CLIC5: variants seen among roughly 807,000 people sequenced by gnomAD.
The protein encoded by CLIC5 is chloride intracellular channel protein 5.
CLIC5 carries 20 observed loss-of-function variants against 24.7 expected under a neutral mutation model. The observed-to-expected ratio is 0.81, with a 90% CI of 0.57 to 1.18. The LOEUF is 1.18. Among genes scored for constraint, CLIC5 ranks in the 50% most tolerant of loss-of-function variants. The probability of loss-of-function intolerance (pLI) is 0.00; values close to 1 mark genes in which losing one functional copy is unlikely to be tolerated. For missense variants in CLIC5, 341 were observed against 326.1 expected (o/e 1.05, Z -0.35); for synonymous variants, 159 against 135.6 (o/e 1.17, Z -1.20).
intron 1 of CLIC5, among the ~76,000 whole-genome samples, chr6:46,043,978 A>G (rs1767887111): frequency 6.6e-6 from 1 of 152,222 alleles, no homozygotes; most frequent in African/African-American, 2.4e-5. Context: ...GTTGTGGGGT[A>G]GGCGAAGTTG....
chr6:45,892,054 A>T (rs983933874), intron 6 of CLIC5: 1 of 152,174 alleles, frequency 6.6e-6, no homozygotes, highest in South Asian at 2.1e-4. Context: ...ATCAACTCAC[A>T]ACATTTTTCA....
At chr6:45,897,153 C>CCT (rs1271922861), downstream of CLIC5, among the ~76,000 whole-genome samples, 1 of 152,108 alleles carries the variant, frequency 6.6e-6, no homozygotes, top group Non-Finnish European at 1.5e-5. Flanking sequence ...AGGCTGCTAC[C>CCT]CTCTCAGGGT....
intron 1 of CLIC5, among the ~76,000 whole-genome samples, chr6:46,047,468 A>T (rs1473287441): frequency 6.6e-6 from 1 of 152,236 alleles, no homozygotes; most frequent in Non-Finnish European, 1.5e-5. Flanking sequence ...GCTAGAAGCT[A>T]GTCTGTGGGA....
At position 45,902,988 on chromosome 6, in the gene CLIC5, A is replaced by T; in HGVS notation, c.*100T>A. 1 of 1,295,344 alleles carries T rather than the reference A, an allele frequency of 7.7e-7. No individual in the cohort carries two copies. The allele number at this position is 1,295,344 out of a possible 1,614,324, so 80.2% of individuals were successfully genotyped here. ...AGCAAGATGAGGCTTGATTATAAAA[A>T]GTGCGCCTCAAGGCAGTGATACAGA... On this transcript the variant is annotated 3_prime_UTR_variant, in exon 6 of 6. Transcript: ENST00000339561.
At chr6:45,907,848 T>TAATC (rs1426650143) in intron 5 of CLIC5, among the ~76,000 whole-genome samples, 2 of 152,206 alleles carry the variant, frequency 1.3e-5, no homozygotes, top group Non-Finnish European at 2.9e-5. Flanking sequence ...AATAGAATCA[T>TAATC]AATCAGTAAA....
In CLIC5 at chr6:45,902,954, C is replaced by T. The variant is rs1161875978; in HGVS notation, c.*134G>A. 3 of 961,050 alleles carry T rather than the reference C, an allele frequency of 3.1e-6. No homozygotes were observed. In the African/African-American group the frequency reaches 4.9e-5, roughly 16 times the overall value. The allele number at this position is 961,050 out of a possible 1,614,324, so 59.5% of individuals were successfully genotyped here. On this transcript the variant is annotated 3_prime_UTR_variant, in exon 6 of 6. Coordinates refer to ENST00000339561, the MANE Select transcript of CLIC5 (RefSeq NM_016929.5). Reference sequence around the variant, plus strand: ...ATGAAAGATAGCAGGCTGGAGTTCCCATGATACCAGCAAGATGAGGCTTGA... The same window carrying T: ...ATGAAAGATAGCAGGCTGGAGTTCCTATGATACCAGCAAGATGAGGCTTGA...
the CLIC5 span, among the ~76,000 whole-genome samples, chr6:46,096,314 T>C: frequency 6.6e-6 from 1 of 152,184 alleles, no homozygotes; most frequent in Non-Finnish European, 1.5e-5. Context: ...ATCCAAACCA[T>C]ATCATGCCAC....
chr6:45,963,216 C>A (rs1445370903), intron 1 of CLIC5, among the ~76,000 whole-genome samples: 2 of 151,340 alleles, frequency 1.3e-5, no homozygotes, highest in African/African-American at 2.4e-5. Flanking sequence ...ACCTGATATT[C>A]GTCTTATAGC....
At chr6:45,904,717 C>A (rs1762607930) in intron 5 of CLIC5, among the ~76,000 whole-genome samples, 1 of 120,756 alleles carries the variant, frequency 8.3e-6, no homozygotes, top group South Asian at 2.6e-4. Flanking sequence ...CTCTCACTCT[C>A]TCTCTCCTTC....
intron 1 of CLIC5, among the ~76,000 whole-genome samples, chr6:46,015,096 C>T (rs1283160495): frequency 6.6e-6 from 1 of 152,238 alleles, no homozygotes; most frequent in Non-Finnish European, 1.5e-5. Flanking sequence ...CCTCCCCCTC[C>T]TCCCGTTTTA....
At chr6:46,060,081 CAA>C (rs1284009410) in intron 1 of CLIC5, among the ~76,000 whole-genome samples, 1 of 152,046 alleles carries the variant, frequency 6.6e-6, no homozygotes, top group African/African-American at 2.4e-5. Flanking sequence ...AATTAAAAAA[CAA>C]GAGGAGAACA....
At chr6:46,089,216 G>A in the CLIC5 span, among the ~76,000 whole-genome samples, 1 of 152,152 alleles carries the variant, frequency 6.6e-6, no homozygotes, top group Non-Finnish European at 1.5e-5. Flanking sequence ...CAGAAGTCAT[G>A]AAGATGAAGG....
In CLIC5 at chr6:45,919,474, A is replaced by G. The variant is rs9381409; in HGVS notation, c.407-5065T>C. Among the ~76,000 whole-genome samples, 32 of 152,258 alleles carry G rather than the reference A, an allele frequency of 2.1e-4. No homozygotes were observed. In the East Asian group the frequency reaches 5.8e-3, roughly 28 times the overall value. ...CCACACGGAGCTCTTAACATGCTCT[A>G]GTTCCCTGACCCTCCCCCCCACCAC... On this transcript the variant is annotated intron_variant, in intron 4 of 5. Coordinates refer to ENST00000339561, the MANE Select transcript of CLIC5 (RefSeq NM_016929.5).
intron 1 of CLIC5, among the ~76,000 whole-genome samples, chr6:46,052,010 CA>C (rs1768116859): frequency 1.3e-5 from 2 of 152,126 alleles, no homozygotes; most frequent in South Asian, 4.1e-4. Flanking sequence ...CTGCATTCAG[CA>C]AACATTGTTA....
intron 1 of CLIC5, among the ~76,000 whole-genome samples, chr6:45,961,749 G>A (rs896476409): frequency 6.6e-6 from 1 of 151,980 alleles, no homozygotes; most frequent in African/African-American, 2.4e-5. Context: ...GTCCACATGA[G>A]GACAGAGAGG....
intron 4 of CLIC5, among the ~76,000 whole-genome samples, chr6:45,928,913 A>G (rs1017304601): frequency 2.0e-5 from 3 of 152,180 alleles, no homozygotes; most frequent in Non-Finnish European, 4.4e-5. Context: ...CATTTAACTC[A>G]TGTGCAAATC....
At chr6:45,950,317 T>C (rs1170978997) in intron 2 of CLIC5, among the ~76,000 whole-genome samples, 3 of 151,948 alleles carry the variant, frequency 2.0e-5, no homozygotes, top group African/African-American at 7.3e-5. Context: ...TCCCACCACT[T>C]TGGGAGGGTG....
rs996360681 is a variant in CLIC5, at chr6:45,899,037, T to C, written c.*4051A>G. On this transcript the variant is annotated 3_prime_UTR_variant, in exon 6 of 6. Transcript: ENST00000339561. Reference sequence around the variant, plus strand: ...ATGAAATTATGCACACTTTGGATCATACATAATTATGAATCGAAAGTATCC... The same window carrying C: ...ATGAAATTATGCACACTTTGGATCACACATAATTATGAATCGAAAGTATCC... 6.6e-6 allele frequency: 1 copy of C among 152,198 alleles called. No individual in the cohort carries two copies. Among genetic ancestry groups the C allele is most frequent in the African/African-American group, 2.4e-5 (1 of 41,444 alleles). The allele number at this position is 152,198 out of a possible 1,614,324, so 9.4% of individuals were successfully genotyped here.
the CLIC5 span, among the ~76,000 whole-genome samples, chr6:46,088,291 G>A: frequency 6.6e-6 from 1 of 151,782 alleles, no homozygotes; most frequent in African/African-American, 2.4e-5. Context: ...TAAGGCTTTG[G>A]AAATACCACT....
Sources: allele counts gnomAD v4.1 joint callset (sites outside exome capture counted in the v4.1 genomes callset), GRCh38; gene constraint gnomAD v4.1.1; transcripts MANE v1.5; gene names NCBI Gene and HGNC (gene_info 2026-07-23, HGNC 2026-07-21).